PRKCB: variants seen among roughly 807,000 people sequenced by gnomAD.
PRKCB encodes protein kinase C beta type.
Under a neutral mutation model 81.5 loss-of-function variants are expected in PRKCB, and 13 were observed. That is an observed-to-expected ratio of 0.16 (90% confidence interval 0.10 to 0.25). PRKCB has a LOEUF of 0.25. PRKCB is among the 10% of genes least tolerant of loss of function. PRKCB has a pLI of 1.00. For missense variants in PRKCB, 509 were observed against 875.7 expected (o/e 0.58, Z 5.29); for synonymous variants, 335 against 321.4 (o/e 1.04, Z -0.45).
At chr16:23,917,139 G>C (rs1373012004) in intron 2 of PRKCB, among the ~76,000 whole-genome samples, 1 of 152,142 alleles carries the variant, frequency 6.6e-6, no homozygotes, top group East Asian at 1.9e-4. Context: ...CCAGACCGGA[G>C]TGCAGTGGTC....
At chr16:24,212,392 T>G (rs1968152004) in intron 16 of PRKCB, among the ~76,000 whole-genome samples, 1 of 140,320 alleles carries the variant, frequency 7.1e-6, no homozygotes, top group South Asian at 2.3e-4. Context: ...ACTCCCCATA[T>G]TCTGTGCTTT....
At position 24,021,074 on chromosome 16, in the gene PRKCB, T is replaced by TCCCTC. The variant is rs761915069; in HGVS notation, c.289-11061_289-11060insCCTCC. On this transcript the variant is annotated intron_variant, in intron 3 of 16. Coordinates refer to ENST00000643927, the MANE Select transcript of PRKCB (RefSeq NM_002738.7). ...TCTTTCTTTCCCTCCCTCCCTCCCTTCTTTCTTTCTTTCTTTTTTTCTTTC... is the reference window on the plus strand; with the variant it reads ...TCTTTCTTTCCCTCCCTCCCTCCCTTCCCTCCTTTCTTTCTTTCTTTTTTTCTTTC... 2.2e-3 allele frequency among the ~76,000 whole-genome samples: 131 copies of TCCCTC among 58,262 alleles called. 1 individual carries two copies. Among genetic ancestry groups the TCCCTC allele is most frequent in the African/African-American group, 7.1e-3 (108 of 15,146 alleles). The allele number at this position is 58,262 out of a possible 152,430, so 38.2% of individuals were successfully genotyped here.
At chr16:24,049,605 C>G (rs1232925186) in intron 5 of PRKCB, among the ~76,000 whole-genome samples, 1 of 152,206 alleles carries the variant, frequency 6.6e-6, no homozygotes, top group Non-Finnish European at 1.5e-5. Flanking sequence ...GGACCTGCAC[C>G]CTTAACTACT....
chr16:24,020,809 G>A (rs1466377808), intron 3 of PRKCB, among the ~76,000 whole-genome samples: 1 of 152,128 alleles, frequency 6.6e-6, no homozygotes, highest in Non-Finnish European at 1.5e-5. Context: ...GTCTGAACTT[G>A]CAATTTGCTT....
At chr16:24,145,010 G>A (rs1050979441) in intron 9 of PRKCB, among the ~76,000 whole-genome samples, 2 of 152,172 alleles carry the variant, frequency 1.3e-5, no homozygotes, top group African/African-American at 4.8e-5. Context: ...CAAAGGAGGG[G>A]AAGGGGATGG....
At chr16:24,045,383 T>C (rs765945761) in intron 5 of PRKCB, among the ~76,000 whole-genome samples, 1 of 152,100 alleles carries the variant, frequency 6.6e-6, no homozygotes, top group Non-Finnish European at 1.5e-5. Flanking sequence ...TCATGGTGTT[T>C]GATGTTTTTT....
intron 5 of PRKCB, among the ~76,000 whole-genome samples, chr16:24,069,851 G>A (rs570974165): frequency 1.1e-4 from 16 of 152,328 alleles, no homozygotes; most frequent in African/African-American, 3.8e-4. Flanking sequence ...CACAAAACCT[G>A]TATATTCTCT....
chr16:24,162,880 A>G (rs1272880687), intron 10 of PRKCB, among the ~76,000 whole-genome samples: 2 of 152,126 alleles, frequency 1.3e-5, no homozygotes, highest in Admixed American at 6.5e-5. Flanking sequence ...AGAGGATTTT[A>G]TTGGAAAGAA....
At chr16:23,997,220 A>C (rs185332772) in intron 3 of PRKCB, among the ~76,000 whole-genome samples, 1 of 152,314 alleles carries the variant, frequency 6.6e-6, no homozygotes, top group Admixed American at 6.5e-5. Flanking sequence ...ATTGATCTGG[A>C]CTACTAAGGG....
intron 15 of PRKCB, among the ~76,000 whole-genome samples, chr16:24,189,935 T>C (rs1045776670): frequency 6.6e-6 from 1 of 152,192 alleles, no homozygotes; most frequent in African/African-American, 2.4e-5. Flanking sequence ...CTTTCTTTTT[T>C]TTTAATTAAT....
chr16:23,947,847 A>G (rs2141774854), intron 2 of PRKCB, among the ~76,000 whole-genome samples: 1 of 148,876 alleles, frequency 6.7e-6, no homozygotes, highest in Non-Finnish European at 1.5e-5. Context: ...CTAATGGGAG[A>G]CACTTGTCAT....
chr16:24,209,758 G>A (rs1968109384), intron 16 of PRKCB, among the ~76,000 whole-genome samples: 1 of 151,744 alleles, frequency 6.6e-6, no homozygotes, highest in African/African-American at 2.4e-5. Flanking sequence ...TTCCACTATT[G>A]TCCCCCGCTC....
intron 2 of PRKCB, among the ~76,000 whole-genome samples, chr16:23,887,054 C>T (rs940899710): frequency 2.3e-4 from 35 of 152,054 alleles, no homozygotes; most frequent in African/African-American, 8.2e-4. Flanking sequence ...GTTTTCTTTT[C>T]TTTCTTTCCT....
intron 9 of PRKCB, among the ~76,000 whole-genome samples, chr16:24,154,373 A>G (rs899780272): frequency 7.2e-5 from 11 of 152,168 alleles, no homozygotes; most frequent in Admixed American, 2.0e-4. Flanking sequence ...AGCCCTAGCT[A>G]CTTGGGAGGC....
At chr16:23,897,775 A>G (rs1732486867) in intron 2 of PRKCB, among the ~76,000 whole-genome samples, 3 of 152,062 alleles carry the variant, frequency 2.0e-5, no homozygotes, top group Admixed American at 2.0e-4. Flanking sequence ...AAGTTAAATC[A>G]TTTGTTCAGT....
At chr16:23,934,207 T>C (rs1484115587) in intron 2 of PRKCB, among the ~76,000 whole-genome samples, 1 of 142,890 alleles carries the variant, frequency 7.0e-6, no homozygotes, top group South Asian at 2.4e-4. Context: ...TAGATAGCTA[T>C]GGTGAGGAGT....
At chr16:24,040,747 C>T (rs879257302) in intron 5 of PRKCB, among the ~76,000 whole-genome samples, 22 of 152,274 alleles carry the variant, frequency 1.4e-4, no homozygotes, top group Admixed American at 3.9e-4. Flanking sequence ...TGAAGGTCAA[C>T]GGATTGTCCA....
At chr16:23,920,394 G>A (rs1010854928) in intron 2 of PRKCB, among the ~76,000 whole-genome samples, 6 of 152,184 alleles carry the variant, frequency 3.9e-5, no homozygotes, top group African/African-American at 4.8e-5. Context: ...CATTTAAACC[G>A]ATTTTGTGGT....
At chr16:24,197,900 C>T (rs911426831) in intron 16 of PRKCB, among the ~76,000 whole-genome samples, 3 of 152,120 alleles carry the variant, frequency 2.0e-5, no homozygotes, top group African/African-American at 7.2e-5. Flanking sequence ...GTCCCAGTAG[C>T]AATAGGATGA....
Sources: gnomAD v4.1 joint callset for allele counts (sites outside exome capture counted in the v4.1 genomes callset) on GRCh38, gnomAD v4.1.1 for gene constraint, MANE v1.5 for transcripts, NCBI Gene and HGNC (gene_info 2026-07-23, HGNC 2026-07-21) for gene names.